The following ARHGEF37 variants were observed in gnomAD, a reference collection of about 807,000 sequenced individuals.
ARHGEF37 encodes Rho guanine nucleotide exchange factor (GEF) 37.
In ARHGEF37, 55 loss-of-function variants were observed where a neutral mutation model predicts 71.1. The ratio of observed to expected loss-of-function variants is 0.77; its 90% confidence interval spans 0.62 to 0.97. ARHGEF37 has a LOEUF of 0.97. Among genes scored for constraint, ARHGEF37 ranks in the 50% least tolerant of loss-of-function variants. ARHGEF37 has a pLI of 0.00. For synonymous variants in ARHGEF37, 327 were observed against 350.6 expected (o/e 0.93, Z 0.75); for missense variants, 765 against 836.8 (o/e 0.91, Z 1.06).
At chr5:149,618,404 G>A (rs1752440815) in intron 6 of ARHGEF37, 98 bp downstream of exon 6, 5 of 1,517,380 alleles carry the variant, frequency 3.3e-6, no homozygotes, top group Non-Finnish European at 4.4e-6. Context: ...TTTCAGAACT[G>A]AGGCAATGGA....
At chr5:149,587,761 GT>G (rs1409790320) in intron 1 of ARHGEF37, among the ~76,000 whole-genome samples, 2 of 152,094 alleles carry the variant, frequency 1.3e-5, no homozygotes, top group African/African-American at 4.8e-5. Flanking sequence ...TCTTTTGGGG[GT>G]TTTAGAGTTC....
intron 1 of ARHGEF37, among the ~76,000 whole-genome samples, chr5:149,571,268 C>T (rs903949723): frequency 6.6e-6 from 1 of 151,426 alleles, no homozygotes. Flanking sequence ...TGTTTTGCTT[C>T]GTTTTGAGAC....
At chr5:149,561,521 T>C (rs1762830294) in intron 1 of ARHGEF37, among the ~76,000 whole-genome samples, 1 of 152,216 alleles carries the variant, frequency 6.6e-6, no homozygotes, top group Non-Finnish European at 1.5e-5. Flanking sequence ...ATGAACACTC[T>C]GCAGTGTAAT....
intron 3 of ARHGEF37, chr5:149,606,889 G>C (rs1012709384): frequency 6.6e-6 from 1 of 152,066 alleles, no homozygotes; most frequent in African/African-American, 2.4e-5. Context: ...TCTGTTTCCT[G>C]CTTATTTCCT....
At chr5:149,562,907 A>G (rs1464719132) in intron 1 of ARHGEF37, among the ~76,000 whole-genome samples, 1 of 152,196 alleles carries the variant, frequency 6.6e-6, no homozygotes, top group Non-Finnish European at 1.5e-5. Context: ...GTAGGCTTAC[A>G]TTTGACTTAA....
At chr5:149,580,988 A>C (rs1484766791), upstream of ARHGEF37, among the ~76,000 whole-genome samples, 1 of 152,144 alleles carries the variant, frequency 6.6e-6, no homozygotes, top group African/African-American at 2.4e-5. Flanking sequence ...TCTTGCTCCC[A>C]GTAGAGTGAA....
At position 149,633,405 on chromosome 5, in the gene ARHGEF37, A is replaced by G. The variant is rs1379696404; in HGVS notation, c.*1214A>G. On this transcript the variant is annotated 3_prime_UTR_variant, in exon 13 of 13. Transcript: ENST00000333677. ...AGGATCTACCTTGGGGGGCTTCTCA[A>G]TACTGCATTCTATGTAGCCAGCCTC... 6.6e-6 allele frequency: 1 copy of G among 152,240 alleles called. No homozygotes were observed. The highest frequency in any genetic ancestry group is 1.5e-5 in the Non-Finnish European group (1 of 68,050). The allele number at this position is 152,240 out of a possible 1,614,324, so 9.4% of individuals were successfully genotyped here. A position where few individuals can be genotyped will look rare whatever the true frequency, so the allele number is the denominator to read the frequency against.
intron 1 of ARHGEF37, among the ~76,000 whole-genome samples, chr5:149,594,206 C>A (rs1010954203): frequency 6.6e-6 from 1 of 152,172 alleles, no homozygotes; most frequent in African/African-American, 2.4e-5. Flanking sequence ...AACCTAAGTG[C>A]AAATTAATGC....
In ARHGEF37 at chr5:149,604,865, T is replaced by G. The variant is rs571657258; in HGVS notation, c.310+3634T>G. 5.3e-5 allele frequency among the ~76,000 whole-genome samples: 8 copies of G among 151,516 alleles called. No homozygotes were observed. In the East Asian group the frequency reaches 1.6e-3, roughly 30 times the overall value. Reference sequence around the variant, plus strand: ...GCCCGGCTAATTTTTGTATTTTTAGTAGAGACTGGGTTTCGCCATGTTGGC... The same window carrying G: ...GCCCGGCTAATTTTTGTATTTTTAGGAGAGACTGGGTTTCGCCATGTTGGC... On this transcript the variant is annotated intron_variant, in intron 3 of 12. Coordinates refer to ENST00000333677, the MANE Select transcript of ARHGEF37 (RefSeq NM_001001669.3).
intron 4 of ARHGEF37, among the ~76,000 whole-genome samples, chr5:149,611,564 G>A (rs970684625): frequency 6.6e-6 from 1 of 152,218 alleles, no homozygotes; most frequent in East Asian, 1.9e-4. Context: ...CTCTGTAGCC[G>A]AGCTCCATGG....
At chr5:149,597,639 A>G in intron 1 of ARHGEF37, 120 bp from the exon 2 acceptor site, 4 of 856,468 alleles carry the variant, frequency 4.7e-6, no homozygotes, top group Non-Finnish European at 7.0e-6. Context: ...GTTCATCTTG[A>G]CTCTGTTTGC....
In ARHGEF37 at chr5:149,622,041, G is replaced by A. The variant is rs752615381; in HGVS notation, c.1314G>A (p.Arg438=). Residue 438 remains arginine (R), a synonymous_variant, in exon 9 of 13, where the codon AGG becomes AGA. Coordinates refer to ENST00000333677, the MANE Select transcript of ARHGEF37 (RefSeq NM_001001669.3). ...QRDLAKQVLQ[R]AEGSMAQLPH... is the part of the protein sequence containing the mutation. ...ACCTTGCAAAGCAAGTGCTGCAGAG[G>A]GCAGAGGGAAGCATGGCCCAGGTAA... 5.6e-6 allele frequency: 9 copies of A among 1,611,872 alleles called. No homozygotes were observed. The African/African-American group carries it at 1.1e-4, about 19-fold the overall frequency.
Position 149,621,772 on chromosome 5 carries a change from A to G in ARHGEF37, c.1045A>G (p.Ser349Gly), listed in dbSNP as rs763318423. ...LEGLVWQPLC[S>G]LAKALLGPQN... Reference sequence around the variant, plus strand: ...AGGCCTGGTGTGGCAGCCACTGTGCAGCCTGGCCAAAGCCCTGCTTGGCCC... The same window carrying G: ...AGGCCTGGTGTGGCAGCCACTGTGCGGCCTGGCCAAAGCCCTGCTTGGCCC... Residue 349 changes from serine to glycine, a missense_variant, in exon 9 of 13, where the codon AGC becomes GGC. By Grantham distance (56) the Ser-to-Gly change is moderately conservative (BLOSUM62 0). Transcript: ENST00000333677. The G allele has an allele frequency of 6.2e-7, 1 of 1,614,174 alleles. No individual in the cohort carries two copies. The highest frequency in any genetic ancestry group is 1.1e-5 in the South Asian group (1 of 91,084).
Position 149,632,589 on chromosome 5 carries a change from C to A in ARHGEF37, c.*398C>A, listed in dbSNP as rs923776542. 1 of 212,318 alleles carries A rather than the reference C, an allele frequency of 4.7e-6. No homozygotes were observed. The highest frequency in any genetic ancestry group is 9.7e-6 in the Non-Finnish European group (1 of 103,102). The allele number at this position is 212,318 out of a possible 1,614,324, so 13.2% of individuals were successfully genotyped here. A position where few individuals can be genotyped will look rare whatever the true frequency, so the allele number is the denominator to read the frequency against. On this transcript the variant is annotated 3_prime_UTR_variant, in exon 13 of 13. Transcript: ENST00000333677. Reference sequence around the variant, plus strand: ...CTGCGTGCTGTGTGGTTGCAGGAAGCGGGTTCTGGAGGAGTCCAGAACTGC... The same window carrying A: ...CTGCGTGCTGTGTGGTTGCAGGAAGAGGGTTCTGGAGGAGTCCAGAACTGC...
At chr5:149,593,063 C>A (rs1763456459) in intron 1 of ARHGEF37, among the ~76,000 whole-genome samples, 1 of 152,186 alleles carries the variant, frequency 6.6e-6, no homozygotes, top group Non-Finnish European at 1.5e-5. Flanking sequence ...AGCCGCTGTA[C>A]CCAGGCATTT....
chr5:149,596,927 G>C (rs1763562950), intron 1 of ARHGEF37, among the ~76,000 whole-genome samples: 1 of 152,192 alleles, frequency 6.6e-6, no homozygotes, highest in Non-Finnish European at 1.5e-5. Context: ...AAGTCTTACA[G>C]CAGGGCACAC....
intron 3 of ARHGEF37, among the ~76,000 whole-genome samples, chr5:149,604,223 T>C (rs1230515965): frequency 6.6e-6 from 1 of 152,196 alleles, no homozygotes; most frequent in Non-Finnish European, 1.5e-5. Flanking sequence ...CACCTGGTGA[T>C]AGGTCCATGG....
chr5:149,631,930 C>T, intron 12 of ARHGEF37, 52 bp from the exon 13 acceptor site: 1 of 1,584,716 alleles, frequency 6.3e-7, no homozygotes, highest in Non-Finnish European at 8.6e-7. Flanking sequence ...TGGATCCAGT[C>T]TGTCTACCTT....
In ARHGEF37 at chr5:149,633,968, T is replaced by C. The variant is rs1232710872; in HGVS notation, c.*1777T>C. 6.6e-6 allele frequency: 1 copy of C among 152,110 alleles called. No homozygotes were observed. The highest frequency in any genetic ancestry group is 1.5e-5 in the Non-Finnish European group (1 of 68,024). The allele number at this position is 152,110 out of a possible 1,614,324, so 9.4% of individuals were successfully genotyped here. A position where few individuals can be genotyped will look rare whatever the true frequency, so the allele number is the denominator to read the frequency against. On this transcript the variant is annotated 3_prime_UTR_variant, in exon 13 of 13. Coordinates refer to ENST00000333677, the MANE Select transcript of ARHGEF37 (RefSeq NM_001001669.3). ...AGATTTCTGATAAAAATAGAGAGCA[T>C]AGGGGAACAGATAATGAAATAGGAA... is the stretch of plus-strand genomic sequence containing the variant.
Sources: gnomAD v4.1 joint callset for allele counts (sites outside exome capture counted in the v4.1 genomes callset) on GRCh38, gnomAD v4.1.1 for gene constraint, MANE v1.5 for transcripts, NCBI Gene and HGNC (gene_info 2026-07-23, HGNC 2026-07-21) for gene names.